The following HOXC4 variants were observed in gnomAD, a reference collection of about 807,000 sequenced individuals.
HOXC4 encodes the protein homeobox protein Hox-C4.
Under a neutral mutation model 25.5 loss-of-function variants are expected in HOXC4, and 15 were observed. That is an observed-to-expected ratio of 0.59 (90% confidence interval 0.39 to 0.91). HOXC4 has a LOEUF of 0.91. HOXC4 is among the 40% of genes least tolerant of loss of function. The pLI is 0.00. For synonymous variants in HOXC4, 165 were observed against 148.0 expected, an observed-to-expected ratio of 1.11 and a Z score of -0.83; for missense variants, 342 against 352.4, an observed-to-expected ratio of 0.97 and a Z score of 0.24.
At chr12:54,029,872 C>T (rs1378942180) in intron 1 of HOXC4, 21 of 1,612,848 alleles carry the variant, frequency 1.3e-5, no homozygotes, top group Non-Finnish European at 1.8e-5. Flanking sequence ...CATCCACTCT[C>T]TCGGGGGGCG....
intron 1 of HOXC4, chr12:54,020,816 G>C (rs1172603759): frequency 6.6e-6 from 1 of 152,140 alleles, no homozygotes; most frequent in African/African-American, 2.4e-5. Context: ...TGCCATAAAG[G>C]CTTTCTCAGA....
At position 54,030,289 on chromosome 12, in the gene HOXC4, C is replaced by T. The variant is rs576237097; in HGVS notation, c.-124+12875C>T. The T allele has an allele frequency of 1.4e-4, 26 of 182,580 alleles. No homozygotes were observed. The South Asian group carries it at 1.5e-3, about 10-fold the overall frequency. The allele number at this position is 182,580 out of a possible 1,614,324, so 11.3% of individuals were successfully genotyped here. ...TTGCCCTCCAAGTGAGGACTTGGCT[C>T]CCCCACTCCTTCGACGCCCCCACCC... On this transcript the variant is annotated intron_variant, in intron 1 of 3. Transcript: ENST00000303406.
chr12:54,054,192 C>G lies in HOXC4; in HGVS notation c.270C>G (p.His90Gln), dbSNP rs745900482. Reference sequence around the variant, plus strand: ...GGCCGGCCCAGGCGGGCCACCACCACCCCGAGAAATCACAGTCGCTCTGCG... The same window carrying G: ...GGCCGGCCCAGGCGGGCCACCACCAGCCCGAGAAATCACAGTCGCTCTGCG... ...GHGPAQAGHH[H>Q]PEKSQSLCEP... is the part of the protein sequence containing the mutation. Residue 90 changes from histidine (H) to glutamine (Q), a missense_variant, in exon 1 of 2, where the codon CAC becomes CAG. By Grantham distance (24) the His-to-Gln change is conservative (BLOSUM62 0). Transcript: ENST00000430889. 70 of 1,613,354 alleles carry G rather than the reference C, an allele frequency of 4.3e-5. No individual in the cohort carries two copies. The highest frequency in any genetic ancestry group is 1.3e-5 in the African/African-American group (1 of 74,912).
rs543719901 is a variant in HOXC4 at position 54,024,272 on chromosome 12, G to A, written c.-124+6858G>A. Among the ~76,000 whole-genome samples the A allele has an allele frequency of 1.4e-3, 220 of 152,274 alleles. 1 individual carries two copies. Among genetic ancestry groups the A allele is most frequent in the Non-Finnish European group, 2.4e-3 (160 of 68,022 alleles). ...GGGGCAGGGTCGGGCAGCTGCGGTCGCGTCCAGGCAGCTGAGCACCCAGGC... is the reference window on the plus strand; with the variant it reads ...GGGGCAGGGTCGGGCAGCTGCGGTCACGTCCAGGCAGCTGAGCACCCAGGC... On this transcript the variant is annotated intron_variant, in intron 1 of 3. Coordinates refer to the HOXC4 transcript ENST00000303406.
intron 1 of HOXC4, chr12:54,020,783 T>C (rs1940399169): frequency 6.6e-6 from 1 of 152,162 alleles, no homozygotes. Context: ...AATCGGAGTA[T>C]GCGGGTTCCA....
intron 1 of HOXC4, among the ~76,000 whole-genome samples, chr12:54,027,206 A>G (rs925685823): frequency 1.3e-5 from 2 of 152,084 alleles, no homozygotes; most frequent in African/African-American, 4.8e-5. Context: ...AAGATGGGGG[A>G]ATAAAATGGG....
At chr12:54,052,575 G>GT (rs1481791091), upstream of HOXC4, among the ~76,000 whole-genome samples, 3 of 150,444 alleles carry the variant, frequency 2.0e-5, no homozygotes, top group African/African-American at 2.5e-5. Context: ...TAGCTGGGGG[G>GT]GGGGGGTGGT....
Position 54,018,808 on chromosome 12 carries a change from A to G in HOXC4, c.-124+1394A>G, listed in dbSNP as rs114026499. 9.5e-3 allele frequency among the ~76,000 whole-genome samples: 1,452 copies of G among 152,144 alleles called. 24 individuals carry two copies. Among genetic ancestry groups the G allele is most frequent in the African/African-American group, 0.033 (1,388 of 41,492 alleles). ...AGGTCCGAGAGAACCTGGGGGCCAGACTTACCTTAATCTAAGCCAAGACAC... is the reference window on the plus strand; with the variant it reads ...AGGTCCGAGAGAACCTGGGGGCCAGGCTTACCTTAATCTAAGCCAAGACAC... On this transcript the variant is annotated intron_variant, in intron 1 of 3. Coordinates refer to the HOXC4 transcript ENST00000303406.
rs796328359 is a variant in HOXC4, at chr12:54,041,977, CTTTTT to C, written c.-123-11169_-123-11165del. ...CGCGCCCAGCCTTTTCTTTTCTTTT[CTTTTT>C]TTTTTTTTTTTTTGAGATGGAGTTT... On this transcript the variant is annotated intron_variant, in intron 1 of 3. Transcript: ENST00000303406. Among the ~76,000 whole-genome samples the C allele has an allele frequency of 5.1e-5, 6 of 116,700 alleles. No individual in the cohort carries two copies. The East Asian group carries it at 1.0e-3, about 20-fold the overall frequency. 76.6% of individuals were successfully genotyped at this position (116,700 alleles called of 152,430 possible). A position where few individuals can be genotyped will look rare whatever the true frequency, so the allele number is the denominator to read the frequency against.
In HOXC4 at chr12:54,033,254, C is replaced by T. The variant is rs151147734; in HGVS notation, c.-124+15840C>T. 4.2e-5 allele frequency: 67 copies of T among 1,614,198 alleles called. No individual in the cohort carries two copies. In the African/African-American group the frequency reaches 8.3e-4, roughly 20 times the overall value. On this transcript the variant is annotated intron_variant, in intron 1 of 3. Coordinates refer to the HOXC4 transcript ENST00000303406. ...CCAGGTACTGCTACGGCGGATTGGACTTAAGCATCACTTTCCCACCGCCTG... is the reference window on the plus strand; with the variant it reads ...CCAGGTACTGCTACGGCGGATTGGATTTAAGCATCACTTTCCCACCGCCTG...
Position 54,025,531 on chromosome 12 carries a change from G to T in HOXC4, c.-124+8117G>T, listed in dbSNP as rs897414919. The stretch of plus-strand genomic sequence containing the variant: ...TCCTCAGGAATGAAAGGTAATTGGG[G>T]GGGGGGGAGGTGTTGAAAATTAATT... On this transcript the variant is annotated intron_variant, in intron 1 of 3. Transcript: ENST00000303406. Among the ~76,000 whole-genome samples, 26 of 44,592 alleles carry T rather than the reference G, an allele frequency of 5.8e-4. 1 individual carries two copies. The highest frequency in any genetic ancestry group is 1.2e-3 in the South Asian group (2 of 1,692). The allele number at this position is 44,592 out of a possible 152,430, so 29.3% of individuals were successfully genotyped here. A position where few individuals can be genotyped will look rare whatever the true frequency, so the allele number is the denominator to read the frequency against.
upstream of HOXC4, among the ~76,000 whole-genome samples, chr12:54,051,276 C>T (rs1008846483): frequency 3.9e-5 from 6 of 151,952 alleles, no homozygotes; most frequent in African/African-American, 7.3e-5. Flanking sequence ...TCAACCCTCT[C>T]CACATGGCAC....
At position 54,054,306 on chromosome 12, in the gene HOXC4, C is replaced by T. The variant is rs745974340; in HGVS notation, c.384C>T (p.Ala128=). The T allele has an allele frequency of 2.5e-6, 4 of 1,605,840 alleles. No homozygotes were observed. Among genetic ancestry groups the T allele is most frequent in the Non-Finnish European group, 2.6e-6 (3 of 1,176,352 alleles). The change falls in exon 1 of 2, where the codon GCC becomes GCT. Residue 128 remains alanine (A), a synonymous_variant. Coordinates refer to ENST00000430889, the MANE Select transcript of HOXC4 (RefSeq NM_153633.3). ...CAGCCCCCGACCATCCCTCCAGCGCCGCCAGCAAGCAACCCATAGTCTACC... is the reference window on the plus strand; with the variant it reads ...CAGCCCCCGACCATCCCTCCAGCGCTGCCAGCAAGCAACCCATAGTCTACC... ...SQPAPDHPSS[A]ASKQPIVYPW... is the part of the protein sequence containing the mutation.
intron 1 of HOXC4, among the ~76,000 whole-genome samples, chr12:54,027,697 G>T (rs1034431136): frequency 6.6e-6 from 1 of 151,998 alleles, no homozygotes; most frequent in Non-Finnish European, 1.5e-5. Flanking sequence ...CCCAACAGAG[G>T]GGTCCTGAGA....
rs116725514 is a variant in HOXC4 at position 54,036,184 on chromosome 12, T to C, written c.-123-16976T>C. ...AGGATCAGGTCCTTCTCCAGGCTCC[T>C]GGGATGGGCTGGGGGAGGAAGCACT... On this transcript the variant is annotated intron_variant, in intron 1 of 3. Coordinates refer to the HOXC4 transcript ENST00000303406. 9.4e-3 allele frequency among the ~76,000 whole-genome samples: 1,426 copies of C among 152,196 alleles called. 29 individuals are homozygous for C. The highest frequency in any genetic ancestry group is 0.032 in the African/African-American group (1,349 of 41,528).
At chr12:54,024,232 G>C (rs976729230) in intron 1 of HOXC4, among the ~76,000 whole-genome samples, 6 of 152,224 alleles carry the variant, frequency 3.9e-5, no homozygotes, top group Middle Eastern at 6.8e-3. Flanking sequence ...AGAAAAGTGA[G>C]ACTTGGGGGT....
intron 1 of HOXC4, among the ~76,000 whole-genome samples, chr12:54,045,170 C>A (rs144597824): frequency 3.3e-4 from 50 of 152,356 alleles, no homozygotes; most frequent in African/African-American, 1.1e-3. Flanking sequence ...GGACTCCATG[C>A]AAATAATCTT....
rs189618070 is a variant in HOXC4 at position 54,037,210 on chromosome 12, T to A, written c.-123-15950T>A. On this transcript the variant is annotated intron_variant, in intron 1 of 3. Transcript: ENST00000303406. ...AGGCCTCGTACCTACTTCCCTACGC[T>A]GAGGGTGCATAAGGCCCAGATCCCT... Among the ~76,000 whole-genome samples the A allele has an allele frequency of 1.5e-3, 233 of 152,306 alleles. 1 individual carries two copies. The highest frequency in any genetic ancestry group is 4.9e-3 in the African/African-American group (205 of 41,570).
chr12:54,036,971 G>T (rs759640760), intron 1 of HOXC4, among the ~76,000 whole-genome samples: 6 of 152,168 alleles, frequency 3.9e-5, no homozygotes, highest in African/African-American at 7.2e-5. Flanking sequence ...TGCCAGGCAG[G>T]GCACACCAGC....
Sources: gnomAD v4.1 joint callset for allele counts (sites outside exome capture counted in the v4.1 genomes callset) on GRCh38, gnomAD v4.1.1 for gene constraint, MANE v1.5 for transcripts, NCBI Gene and HGNC (gene_info 2026-07-23, HGNC 2026-07-21) for gene names.